IKZF5: variants seen among roughly 807,000 people sequenced by gnomAD.
The protein encoded by IKZF5 is zinc finger protein Pegasus.
IKZF5 carries 4 observed loss-of-function variants against 30.7 expected under a neutral mutation model. The ratio of observed to expected loss-of-function variants is 0.13; its 90% CI spans 0.06 to 0.30. The LOEUF (loss-of-function observed/expected upper bound fraction) is 0.30, where lower values mean the gene tolerates loss of function less well. Ranked by LOEUF, IKZF5 falls within the 10% of genes least tolerant of loss-of-function variation. The pLI, the probability that IKZF5 is intolerant of heterozygous loss-of-function variation, is 1.00. For synonymous variants in IKZF5, 148 were observed against 179.6 expected (o/e 0.82, Z 1.41); for missense variants, 348 against 525.5 (o/e 0.66, Z 3.30).
chr10:123,007,655 A>C (rs1209466450), intron 1 of IKZF5, among the ~76,000 whole-genome samples: 1 of 152,152 alleles, frequency 6.6e-6, no homozygotes, highest in Non-Finnish European at 1.5e-5. Context: ...TTCTTATCCT[A>C]TCATAACACA....
chr10:123,004,519 C>G (rs1849711372), intron 2 of IKZF5, among the ~76,000 whole-genome samples: 1 of 151,892 alleles, frequency 6.6e-6, no homozygotes, highest in Non-Finnish European at 1.5e-5. Flanking sequence ...CAGAGGATGG[C>G]TGGCATATTT....
chr10:123,005,595 C>T (rs1849750984), intron 2 of IKZF5, among the ~76,000 whole-genome samples: 1 of 152,082 alleles, frequency 6.6e-6, no homozygotes, highest in South Asian at 2.1e-4. Flanking sequence ...GTTTATGTCC[C>T]CAAAAGCTGA....
chr10:122,994,187 G>A lies in IKZF5; in HGVS notation c.853C>T (p.Pro285Ser). ...PDVVPCPDEK[P>S]FMIQQPSTQA... is the part of the protein sequence containing the mutation. ...GTAGAGGGCTGCTGAATCATGAAAGGCTTTTCATCAGGGCAGGGAACTACA... is the reference window on the plus strand; with the variant it reads ...GTAGAGGGCTGCTGAATCATGAAAGACTTTTCATCAGGGCAGGGAACTACA... The change falls in exon 5 of 5, where the codon CCT becomes TCT. Residue 285 changes from proline to serine, a missense_variant. Pro to Ser is a moderately conservative substitution (Grantham distance 74). This residue lies in a region of IKZF5 where 176 missense variants were observed against 198.2 expected (regional missense o/e 0.89). Coordinates refer to ENST00000368886, the MANE Select transcript of IKZF5 (RefSeq NM_001372123.1). This position sits in a 1 kb window ranked among gnomAD's most constrained non-coding sequence, Gnocchi z 5.6. 1 of 1,614,148 alleles carries A rather than the reference G, an allele frequency of 6.2e-7. No individual in the cohort carries two copies. Among genetic ancestry groups the A allele is most frequent in the Non-Finnish European group, 8.5e-7 (1 of 1,180,024 alleles).
chr10:123,004,629 TA>T (rs34085831), intron 2 of IKZF5, among the ~76,000 whole-genome samples: 47 of 145,906 alleles, frequency 3.2e-4, no homozygotes, highest in East Asian at 1.0e-3. Flanking sequence ...ATGATAAACT[TA>T]AAAAAAAAAA....
At chr10:123,005,714 A>C (rs1356905674) in intron 2 of IKZF5, among the ~76,000 whole-genome samples, 1 of 152,204 alleles carries the variant, frequency 6.6e-6, no homozygotes, top group Non-Finnish European at 1.5e-5. Context: ...CCTTGTGAAG[A>C]GATCCAGAGA....
At chr10:122,996,553 A>C (rs893084401) in intron 3 of IKZF5, among the ~76,000 whole-genome samples, 2 of 152,002 alleles carry the variant, frequency 1.3e-5, no homozygotes, top group African/African-American at 4.8e-5. Context: ...AAATTACAAA[A>C]ATTAGCTGGG....
Position 122,992,343 on chromosome 10 carries a change from T to C in IKZF5, c.*1437A>G, listed in dbSNP as rs191434340. On this transcript the variant is annotated 3_prime_UTR_variant, in exon 5 of 5. Transcript: ENST00000368886. ...ACTATTAGAGTTCTTTTTTGGTTAA[T>C]AGATGCTTACTATTCTCTTTAAGAT... 5.3e-5 allele frequency: 8 copies of C among 152,336 alleles called. No homozygotes were observed. Among genetic ancestry groups the C allele is most frequent in the Admixed American group, 3.9e-4 (6 of 15,304 alleles). The allele number at this position is 152,336 out of a possible 1,614,324, so 9.4% of individuals were successfully genotyped here. A position where few individuals can be genotyped will look rare whatever the true frequency, so the allele number is the denominator to read the frequency against.
rs138120964 is a variant in IKZF5, at chr10:122,996,877, CAAAG to C, written c.134-705_134-702del. ...TATTTCTACAACTGAAACTGGCAGT[CAAAG>C]AATCTCCAAAACCCTAACTCTATTT... On this transcript the variant is annotated intron_variant, in intron 3 of 4. Transcript: ENST00000368886. Among the ~76,000 whole-genome samples the C allele has an allele frequency of 5.5e-3, 838 of 152,256 alleles. 5 individuals carry two copies. The highest frequency in any genetic ancestry group is 0.019 in the African/African-American group (789 of 41,540).
At chr10:123,007,785 C>A (rs908753880) in intron 1 of IKZF5, among the ~76,000 whole-genome samples, 2 of 152,150 alleles carry the variant, frequency 1.3e-5, no homozygotes, top group African/African-American at 2.4e-5. Flanking sequence ...TGTGACAACA[C>A]GACATAAATC....
Position 122,996,175 on chromosome 10 carries a change from A to G in IKZF5, c.135T>C (p.Ala45=), listed in dbSNP as rs1849366462. 1.9e-6 allele frequency: 3 copies of G among 1,611,580 alleles called. No individual in the cohort carries two copies. Among genetic ancestry groups the G allele is most frequent in the Non-Finnish European group, 2.5e-6 (3 of 1,179,132 alleles). The change falls in exon 4 of 5, where the codon GCT becomes GCC. Residue 45 remains alanine (A), a splice_region_variant and synonymous_variant. Coordinates refer to ENST00000368886, the MANE Select transcript of IKZF5 (RefSeq NM_001372123.1). ...GTCCATTTTGATCACCATCTGTTCC[A>G]GCTATAAACAAAGTACCGCAAAAGA... ...GDKEAEALQG[A]GTDGDQNGLD... is the part of the protein sequence containing the mutation.
chr10:122,998,801 C>T (rs905610412), intron 2 of IKZF5, 130 bp from the exon 3 acceptor site: 6 of 410,090 alleles, frequency 1.5e-5, no homozygotes, highest in African/African-American at 1.2e-4. Flanking sequence ...TATAATCTTA[C>T]TGGTGAACTA....
intron 3 of IKZF5, 121 bp downstream of exon 3, chr10:122,998,372 T>C: frequency 2.4e-6 from 2 of 821,534 alleles, no homozygotes; most frequent in Non-Finnish European, 3.6e-6. Context: ...ATGCCCTGTA[T>C]CTTTCTAGAA....
At chr10:122,995,023 C>A in intron 4 of IKZF5, 1 of 288,616 alleles carries the variant, frequency 3.5e-6, no homozygotes, top group Non-Finnish European at 6.4e-6. Context: ...TTGAAATATT[C>A]TAGTAATAGT....
intron 1 of IKZF5, among the ~76,000 whole-genome samples, chr10:123,008,421 C>T (rs1849901585): frequency 6.6e-6 from 1 of 152,220 alleles, no homozygotes; most frequent in Admixed American, 6.5e-5. Flanking sequence ...CGCCCCGGAG[C>T]CTCCGAGCTC....
At position 123,001,398 on chromosome 10, in the gene IKZF5, T is replaced by C. The variant is rs567585549; in HGVS notation, c.-46-2727A>G. 6.6e-4 allele frequency among the ~76,000 whole-genome samples: 100 copies of C among 152,264 alleles called. 1 individual carries two copies. The highest frequency in any genetic ancestry group is 2.3e-3 in the African/African-American group (94 of 41,500). ...TCCTTTACATTTAGAGTTGTTTGTG[T>C]CCTAGTTAAGAAATCCTTGCCTACA... On this transcript the variant is annotated intron_variant, in intron 2 of 4. Transcript: ENST00000368886.
intron 3 of IKZF5, among the ~76,000 whole-genome samples, chr10:122,997,668 C>T (rs373577497): frequency 1.3e-5 from 2 of 152,168 alleles, no homozygotes; most frequent in African/African-American, 2.4e-5. Context: ...ATAGTAAATA[C>T]TTCAGGCTTT....
In IKZF5 at chr10:122,993,707, A is replaced by G. The variant is rs918602309; in HGVS notation, c.*73T>C. ...TGAATTAGCAGACACTTTATTAGGG[A>G]TGACCAAAACAAAAAACAAAAAAAA... On this transcript the variant is annotated 3_prime_UTR_variant, in exon 5 of 5. Coordinates refer to ENST00000368886, the MANE Select transcript of IKZF5 (RefSeq NM_001372123.1). The G allele has an allele frequency of 2.1e-6, 2 of 945,078 alleles. No individual in the cohort carries two copies. Among genetic ancestry groups the G allele is most frequent in the Admixed American group, 2.3e-5 (1 of 43,224 alleles). 58.5% of individuals were successfully genotyped at this position (945,078 alleles called of 1,614,324 possible).
intron 4 of IKZF5, among the ~76,000 whole-genome samples, chr10:122,995,593 T>C (rs1185668807): frequency 2.6e-5 from 4 of 152,208 alleles, no homozygotes; most frequent in Admixed American, 6.5e-5. Context: ...AAGTGAGATC[T>C]GGGATTAGCA....
Position 122,995,505 on chromosome 10 carries a change from G to A in IKZF5, c.316+489C>T, listed in dbSNP as rs566655151. ...GATGAATGAGCACAGGATGCATGAA[G>A]CACACAGGAAGGACGTCTGACCTGG... On this transcript the variant is annotated intron_variant, in intron 4 of 4. Coordinates refer to ENST00000368886, the MANE Select transcript of IKZF5 (RefSeq NM_001372123.1). Among the ~76,000 whole-genome samples the A allele has an allele frequency of 1.1e-4, 17 of 152,290 alleles. No homozygotes were observed. The South Asian group carries it at 2.9e-3, about 26-fold the overall frequency.
Sources: allele counts gnomAD v4.1 joint callset (sites outside exome capture counted in the v4.1 genomes callset), GRCh38; gene constraint gnomAD v4.1.1; regional missense constraint gnomAD v4.1.1; non-coding constraint Gnocchi (gnomAD v3.1); transcripts MANE v1.5; gene names NCBI Gene and HGNC (gene_info 2026-07-23, HGNC 2026-07-21).